Variants in TUBGCP4 observed in about 807,000 individuals in gnomAD.
The protein encoded by TUBGCP4 is tubulin gamma complex component 4.
Under a neutral mutation model 91.6 loss-of-function variants are expected in TUBGCP4, and 54 were observed. The observed-to-expected ratio is 0.59, with a 90% CI of 0.47 to 0.74. The LOEUF (loss-of-function observed/expected upper bound fraction) is 0.74, where lower values mean the gene tolerates loss of function less well. Among genes scored for constraint, TUBGCP4 ranks in the 30% least tolerant of loss-of-function variants. The probability of loss-of-function intolerance (pLI) is 0.00; values close to 1 mark genes in which losing one functional copy is unlikely to be tolerated. For missense variants in TUBGCP4, 593 were observed against 800.9 expected (o/e 0.74, Z 3.13); for synonymous variants, 297 against 302.8 (o/e 0.98, Z 0.20).
intron 1 of TUBGCP4, among the ~76,000 whole-genome samples, chr15:43,375,006 A>G (rs892704979): frequency 1.3e-5 from 2 of 152,184 alleles, no homozygotes; most frequent in African/African-American, 4.8e-5. Context: ...GGGTTTAAGC[A>G]GTTCTCATGC....
At chr15:43,374,987 C>T (rs920833603) in intron 1 of TUBGCP4, among the ~76,000 whole-genome samples, 1 of 152,214 alleles carries the variant, frequency 6.6e-6, no homozygotes, top group South Asian at 2.1e-4. Flanking sequence ...GCTGCAACCG[C>T]CGCCTCCCGG....
intron 14 of TUBGCP4, 66 bp downstream of exon 14, chr15:43,400,287 A>G (rs1227583694): frequency 1.4e-6 from 2 of 1,398,164 alleles, no homozygotes. Flanking sequence ...GGCAGGGAGT[A>G]TTGAATAGGG....
At chr15:43,387,180 G>T (rs2044388991) in intron 9 of TUBGCP4, among the ~76,000 whole-genome samples, 1 of 152,148 alleles carries the variant, frequency 6.6e-6, no homozygotes, top group Non-Finnish European at 1.5e-5. Flanking sequence ...AAGCTGACTT[G>T]TCTGGCTTGC....
intron 9 of TUBGCP4, among the ~76,000 whole-genome samples, chr15:43,392,172 A>G (rs1426300934): frequency 7.5e-6 from 1 of 132,800 alleles, no homozygotes; most frequent in Admixed American, 7.4e-5. Context: ...CTTTTTCTTT[A>G]TTAGTTTCTT....
chr15:43,375,305 A>G (rs1054524551), intron 1 of TUBGCP4, among the ~76,000 whole-genome samples: 1 of 152,234 alleles, frequency 6.6e-6, no homozygotes, highest in Non-Finnish European at 1.5e-5. Context: ...GGGGCAAACA[A>G]AAAAGTTCTG....
chr15:43,391,729 T>A (rs1263227816), intron 9 of TUBGCP4: 1 of 152,158 alleles, frequency 6.6e-6, no homozygotes, highest in Non-Finnish European at 1.5e-5. Flanking sequence ...CCACCAGGCT[T>A]TTTCTTTTTT....
chr15:43,392,067 AAT>A (rs2044477418), intron 9 of TUBGCP4, among the ~76,000 whole-genome samples: 1 of 141,730 alleles, frequency 7.1e-6, no homozygotes, highest in Non-Finnish European at 1.5e-5. Context: ...AATAAAATAA[AAT>A]AGAGATACAC....
chr15:43,399,992 A>G (rs1595498326), intron 13 of TUBGCP4, 52 bp from the exon 14 acceptor site: 1 of 1,473,188 alleles, frequency 6.8e-7, no homozygotes, highest in Non-Finnish European at 9.3e-7. Flanking sequence ...CGTGTGGGGG[A>G]AGTGCAGGGG....
intron 10 of TUBGCP4, 110 bp from the exon 11 acceptor site, chr15:43,395,473 T>C: frequency 1.2e-6 from 1 of 857,234 alleles, no homozygotes; most frequent in Non-Finnish European, 1.9e-6. Context: ...CTTTTGTAGC[T>C]TGGGCTCAAA....
rs965329304 is a variant in TUBGCP4, at chr15:43,407,181, T to G, written c.*1967T>G. ...CTATGTCTTGTCATTTGTTCTGAGA[T>G]TAAGCTCAAAAAAACAGATGAAGAA... On this transcript the variant is annotated 3_prime_UTR_variant, in exon 18 of 18. Coordinates refer to ENST00000564079, the MANE Select transcript of TUBGCP4 (RefSeq NM_014444.5). The G allele has an allele frequency of 1.1e-5, 6 of 559,672 alleles. No homozygotes were observed. Among genetic ancestry groups the G allele is most frequent in the African/African-American group, 3.8e-5 (2 of 53,194 alleles). The allele number at this position is 559,672 out of a possible 1,614,324, so 34.7% of individuals were successfully genotyped here. A position where few individuals can be genotyped will look rare whatever the true frequency, so the allele number is the denominator to read the frequency against.
intron 6 of TUBGCP4, among the ~76,000 whole-genome samples, chr15:43,382,540 A>G (rs1307541540): frequency 2.0e-5 from 3 of 152,166 alleles, no homozygotes; most frequent in Non-Finnish European, 4.4e-5. Context: ...ATGTTTCACA[A>G]TCTGGATTTA....
At position 43,407,127 on chromosome 15, in the gene TUBGCP4, T is replaced by C. The variant is rs2044926545; in HGVS notation, c.*1913T>C. The C allele has an allele frequency of 7.2e-6, 3 of 416,616 alleles. No homozygotes were observed. The South Asian group carries it at 1.0e-4, about 14-fold the overall frequency. The allele number at this position is 416,616 out of a possible 1,614,324, so 25.8% of individuals were successfully genotyped here. A position where few individuals can be genotyped will look rare whatever the true frequency, so the allele number is the denominator to read the frequency against. On this transcript the variant is annotated 3_prime_UTR_variant, in exon 18 of 18. Coordinates refer to ENST00000564079, the MANE Select transcript of TUBGCP4 (RefSeq NM_014444.5). ...TGGCCAGCTGTCCTCCGTAAGTGAATAAGCCTGTTGAAAGACTCAGAGAAA... is the reference window on the plus strand; with the variant it reads ...TGGCCAGCTGTCCTCCGTAAGTGAACAAGCCTGTTGAAAGACTCAGAGAAA...
chr15:43,395,324 A>T, intron 10 of TUBGCP4, 167 bp downstream of exon 10: 1 of 766,522 alleles, frequency 1.3e-6, no homozygotes, highest in Non-Finnish European at 2.2e-6. Flanking sequence ...ATCTACGATA[A>T]TACAAAGATT....
chr15:43,381,007 A>G (rs531078773), intron 6 of TUBGCP4, among the ~76,000 whole-genome samples: 1 of 152,060 alleles, frequency 6.6e-6, no homozygotes, highest in South Asian at 2.1e-4. Context: ...AGGCTTTGCT[A>G]TGTTGCCCAG....
intron 9 of TUBGCP4, among the ~76,000 whole-genome samples, chr15:43,389,841 G>A (rs909138589): frequency 3.3e-5 from 5 of 152,032 alleles, no homozygotes; most frequent in South Asian, 2.1e-4. Flanking sequence ...CAGGTTTTAC[G>A]TGGCAGCAGG....
intron 9 of TUBGCP4, among the ~76,000 whole-genome samples, chr15:43,389,752 A>G (rs2044436398): frequency 6.6e-6 from 1 of 152,168 alleles, no homozygotes; most frequent in South Asian, 2.1e-4. Flanking sequence ...TTATAAAGGA[A>G]AGTGGTTTAA....
At chr15:43,394,080 ACTAT>A (rs2044536096) in intron 9 of TUBGCP4, 10 of 116,526 alleles carry the variant, frequency 8.6e-5, no homozygotes, top group South Asian at 2.9e-4. Flanking sequence ...ATATTTTCTC[ACTAT>A]TTTTTTTTTT....
At chr15:43,404,997 CA>C in intron 17 of TUBGCP4, 1 of 583,516 alleles carries the variant, frequency 1.7e-6, no homozygotes, top group Non-Finnish European at 3.0e-6. Context: ...CTGTCATTCC[CA>C]TTCAGAAAAT....
chr15:43,384,978 G>C (rs999351141), intron 7 of TUBGCP4, among the ~76,000 whole-genome samples: 1 of 152,208 alleles, frequency 6.6e-6, no homozygotes, highest in African/African-American at 2.4e-5. Flanking sequence ...GGCTTAGTGA[G>C]TGCTTGGAAA....
Sources: allele counts gnomAD v4.1 joint callset (sites outside exome capture counted in the v4.1 genomes callset), GRCh38; gene constraint gnomAD v4.1.1; transcripts MANE v1.5; gene names NCBI Gene and HGNC (gene_info 2026-07-23, HGNC 2026-07-21).